Variants in CLVS1 observed in about 807,000 individuals in gnomAD.
The protein encoded by CLVS1 is clavesin 1.
CLVS1 carries 10 observed loss-of-function variants against 33.1 expected under a neutral mutation model. The ratio of observed to expected loss-of-function variants is 0.30; its 90% confidence interval spans 0.19 to 0.51. The LOEUF (loss-of-function observed/expected upper bound fraction) is 0.51. Ranked by LOEUF, CLVS1 falls within the 20% of genes least tolerant of loss-of-function variation. The pLI, the probability that CLVS1 is intolerant of heterozygous loss-of-function variation, is 0.97. For missense variants in CLVS1, 343 were observed against 433.4 expected (o/e 0.79, Z 1.85); for synonymous variants, 163 against 166.1 (o/e 0.98, Z 0.14).
intron 5 of CLVS1, among the ~76,000 whole-genome samples, chr8:61,474,021 A>G (rs998541861): frequency 1.3e-5 from 2 of 152,194 alleles, no homozygotes; most frequent in African/African-American, 4.8e-5. Context: ...TCAAAGGCAT[A>G]AAGAGGCAAA....
chr8:61,050,485 A>G, the CLVS1 span, among the ~76,000 whole-genome samples: 2 of 152,250 alleles, frequency 1.3e-5, no homozygotes, highest in Admixed American at 6.5e-5. Context: ...TGACTAGGAC[A>G]CAGTGTGCTG....
At chr8:61,034,333 A>T in the CLVS1 span, among the ~76,000 whole-genome samples, 1 of 152,018 alleles carries the variant, frequency 6.6e-6, no homozygotes, top group East Asian at 1.9e-4. Context: ...TGATTAAATC[A>T]AGCTAATTAA....
chr8:61,454,325 C>A, intron 4 of CLVS1, 74 bp downstream of exon 4: 2 of 1,020,720 alleles, frequency 2.0e-6, no homozygotes, highest in East Asian at 4.8e-5. Context: ...CCCCTCCTCT[C>A]TCCTTTCCCC....
chr8:61,042,339 C>A, the CLVS1 span, among the ~76,000 whole-genome samples: 1 of 152,312 alleles, frequency 6.6e-6, no homozygotes, highest in East Asian at 1.9e-4. Context: ...TCTCTATCTT[C>A]ATATTCTTGT....
intron 1 of CLVS1, among the ~76,000 whole-genome samples, chr8:61,090,328 A>G (rs1805214548): frequency 6.6e-6 from 1 of 152,096 alleles, no homozygotes; most frequent in Non-Finnish European, 1.5e-5. Context: ...CCCTTTATTA[A>G]TTATCCTGTC....
chr8:61,085,033 A>C (rs1195939471), intron 1 of CLVS1, among the ~76,000 whole-genome samples: 1 of 152,246 alleles, frequency 6.6e-6, no homozygotes, highest in Non-Finnish European at 1.5e-5. Flanking sequence ...GGAATGAAAA[A>C]ATACATCAGA....
At chr8:60,999,069 A>G in the CLVS1 span, among the ~76,000 whole-genome samples, 5 of 152,206 alleles carry the variant, frequency 3.3e-5, no homozygotes, top group Admixed American at 3.3e-4. Context: ...GATCGAGGCG[A>G]CAGAGGATGG....
intron 2 of CLVS1, among the ~76,000 whole-genome samples, chr8:61,184,751 G>A (rs1316897873): frequency 6.6e-6 from 1 of 152,162 alleles, no homozygotes; most frequent in Non-Finnish European, 1.5e-5. Context: ...TTGCACAGCT[G>A]GGGTATACAA....
intron 2 of CLVS1, among the ~76,000 whole-genome samples, chr8:61,340,387 C>A (rs1043910696): frequency 1.3e-5 from 2 of 152,216 alleles, no homozygotes; most frequent in Non-Finnish European, 2.9e-5. Context: ...CTACTGTCTA[C>A]TTCTGTGAGT....
chr8:61,198,181 G>A (rs1448493625), intron 2 of CLVS1, among the ~76,000 whole-genome samples: 1 of 152,144 alleles, frequency 6.6e-6, no homozygotes, highest in African/African-American at 2.4e-5. Context: ...TGTTTCTTGA[G>A]AGGTATTATA....
At chr8:61,090,166 C>A (rs1805208936) in intron 1 of CLVS1, among the ~76,000 whole-genome samples, 1 of 152,184 alleles carries the variant, frequency 6.6e-6, no homozygotes, top group Admixed American at 6.5e-5. Context: ...GTTGAAAGAT[C>A]TTTCAGATAA....
chr8:61,430,450 C>A (rs1387962567), intron 3 of CLVS1, among the ~76,000 whole-genome samples: 1 of 152,166 alleles, frequency 6.6e-6, no homozygotes, highest in Non-Finnish European at 1.5e-5. Flanking sequence ...ATAAAATTCC[C>A]CCCAAGGGCA....
intron 5 of CLVS1, among the ~76,000 whole-genome samples, chr8:61,482,571 G>A (rs1448530862): frequency 6.6e-6 from 1 of 152,222 alleles, no homozygotes; most frequent in Non-Finnish European, 1.5e-5. Context: ...ACAAGCTTCA[G>A]TAGCTGATTT....
At chr8:61,255,948 T>C (rs927765456) in intron 2 of CLVS1, among the ~76,000 whole-genome samples, 1 of 152,198 alleles carries the variant, frequency 6.6e-6, no homozygotes, top group Admixed American at 6.5e-5. Context: ...TTATTTTTTA[T>C]ATGATAAAAT....
At chr8:61,047,214 C>T in the CLVS1 span, among the ~76,000 whole-genome samples, 2 of 152,138 alleles carry the variant, frequency 1.3e-5, no homozygotes, top group Non-Finnish European at 2.9e-5. Context: ...AAATGCTCAC[C>T]ATCACTGGCC....
At chr8:61,177,427 C>T (rs939944203) in intron 2 of CLVS1, among the ~76,000 whole-genome samples, 7 of 152,172 alleles carry the variant, frequency 4.6e-5, no homozygotes, top group Non-Finnish European at 1.0e-4. Context: ...AATCCATCAG[C>T]CCAGACGAGT....
intron 2 of CLVS1, among the ~76,000 whole-genome samples, chr8:61,232,162 G>A (rs761954068): frequency 5.5e-5 from 8 of 145,330 alleles, no homozygotes; most frequent in Admixed American, 4.8e-4. Flanking sequence ...AGCCTCCCAC[G>A]TAGCTGGGAC....
intron 1 of CLVS1, among the ~76,000 whole-genome samples, chr8:61,058,528 T>C (rs1804520733): frequency 6.6e-6 from 1 of 152,262 alleles, no homozygotes; most frequent in Non-Finnish European, 1.5e-5. Context: ...GGAGGGCATG[T>C]ACTTTTTAAA....
At chr8:61,381,549 T>C (rs1401117795) in intron 3 of CLVS1, among the ~76,000 whole-genome samples, 1 of 152,214 alleles carries the variant, frequency 6.6e-6, no homozygotes, top group Non-Finnish European at 1.5e-5. Flanking sequence ...GTAGTGAGCA[T>C]AATACTCAAT....
Sources: gnomAD v4.1 joint callset for allele counts (sites outside exome capture counted in the v4.1 genomes callset) on GRCh38, gnomAD v4.1.1 for gene constraint, MANE v1.5 for transcripts, NCBI Gene and HGNC (gene_info 2026-07-23, HGNC 2026-07-21) for gene names.